The following ATG2B variants were observed in gnomAD, a reference collection of about 807,000 sequenced individuals.
ATG2B encodes autophagy-related protein 2 homolog B.
ATG2B carries 121 observed loss-of-function variants against 241.3 expected under a neutral mutation model. That is an observed-to-expected ratio of 0.50 (90% CI 0.43 to 0.58). ATG2B has a LOEUF of 0.58. Among genes scored for constraint, ATG2B ranks in the 20% least tolerant of loss-of-function variants. The pLI, the probability that ATG2B is intolerant of heterozygous loss-of-function variation, is 0.00. For synonymous variants in ATG2B, 858 were observed against 876.6 expected (o/e 0.98, Z 0.37); for missense variants, 2,306 against 2,491.6 (o/e 0.93, Z 1.59).
Position 96,327,593 on chromosome 14 carries a change from T to C in ATG2B, c.2163+754A>G, listed in dbSNP as rs187555568. ...AAATAGATAAAATTTTATAAAGTCG[T>C]TATAATCACAGCTTATAAAAACTCT... On this transcript the variant is annotated intron_variant, in intron 14 of 41. Coordinates refer to ENST00000359933, the MANE Select transcript of ATG2B (RefSeq NM_018036.7). 3.8e-3 allele frequency among the ~76,000 whole-genome samples: 584 copies of C among 152,284 alleles called. 5 individuals are homozygous for C. Among genetic ancestry groups the C allele is most frequent in the African/African-American group, 0.013 (540 of 41,556 alleles).
chr14:96,281,704 A>C lies in ATG2B; in HGVS notation c.*4051T>G, dbSNP rs1362122073. 1 of 152,220 alleles carries C rather than the reference A, an allele frequency of 6.6e-6. No homozygotes were observed. The highest frequency in any genetic ancestry group is 1.5e-5 in the Non-Finnish European group (1 of 68,028). The allele number at this position is 152,220 out of a possible 1,614,324, so 9.4% of individuals were successfully genotyped here. ...TGCTACCCGGGACATTAGAGATATA[A>C]CTGAGCCAGCTGAGATGACATTTAC... On this transcript the variant is annotated 3_prime_UTR_variant, in exon 42 of 42. Coordinates refer to ENST00000359933, the MANE Select transcript of ATG2B (RefSeq NM_018036.7).
In ATG2B at chr14:96,339,271, AGTGTGTGTGT is replaced by A. The variant is rs34822684; in HGVS notation, c.924+2241_924+2250del. On this transcript the variant is annotated intron_variant, in intron 6 of 41. Coordinates refer to ENST00000359933, the MANE Select transcript of ATG2B (RefSeq NM_018036.7). Reference sequence around the variant, plus strand: ...CTACCATTCGACCCAGCAATTCCACAGTGTGTGTGTGTGTGTGTGTGTGTGTGTGTGTGTA... The same window carrying A: ...CTACCATTCGACCCAGCAATTCCACAGTGTGTGTGTGTGTGTGTGTGTGTA... Among the ~76,000 whole-genome samples, 195 of 147,562 alleles carry A rather than the reference AGTGTGTGTGT, an allele frequency of 1.3e-3. 1 individual carries two copies. Among genetic ancestry groups the A allele is most frequent in the African/African-American group, 3.7e-3 (150 of 40,328 alleles).
At chr14:96,340,095 C>CA (rs1566731463) in intron 6 of ATG2B, among the ~76,000 whole-genome samples, 3 of 78,488 alleles carry the variant, frequency 3.8e-5, no homozygotes, top group East Asian at 8.1e-4. Context: ...TGAATATATG[C>CA]TATATAGAAT....
intron 11 of ATG2B, 55 bp from the exon 12 acceptor site, chr14:96,329,689 C>A: frequency 8.3e-7 from 1 of 1,208,056 alleles, no homozygotes; most frequent in South Asian, 1.4e-5. Context: ...TAACAATTAT[C>A]CACCTAGTCT....
At chr14:96,292,806 T>C (rs1886523488) in intron 36 of ATG2B, among the ~76,000 whole-genome samples, 3 of 152,248 alleles carry the variant, frequency 2.0e-5, no homozygotes, top group African/African-American at 7.2e-5. Flanking sequence ...CCTTGGTTTC[T>C]GAAGTGGATT....
At chr14:96,287,572 T>C (rs1886372392) in intron 41 of ATG2B, among the ~76,000 whole-genome samples, 1 of 152,214 alleles carries the variant, frequency 6.6e-6, no homozygotes, top group African/African-American at 2.4e-5. Context: ...GGAACTAAAA[T>C]GCTGCCTTCC....
intron 1 of ATG2B, among the ~76,000 whole-genome samples, chr14:96,355,356 C>T (rs1411694711): frequency 6.6e-6 from 1 of 152,114 alleles, no homozygotes; most frequent in African/African-American, 2.4e-5. Context: ...CTGCATAGGG[C>T]TAGCCAGTTC....
chr14:96,301,777 G>C (rs908283138), intron 34 of ATG2B, among the ~76,000 whole-genome samples: 3 of 152,116 alleles, frequency 2.0e-5, no homozygotes, highest in Non-Finnish European at 2.9e-5. Context: ...AGGTATTAAG[G>C]TCTACATCAC....
chr14:96,314,197 G>T (rs748412904), intron 23 of ATG2B, among the ~76,000 whole-genome samples: 3 of 152,248 alleles, frequency 2.0e-5, no homozygotes, highest in South Asian at 2.1e-4. Flanking sequence ...CATGAGAAAA[G>T]AATTTTGAAA....
At chr14:96,350,714 C>A (rs989244844) in intron 1 of ATG2B, among the ~76,000 whole-genome samples, 4 of 152,164 alleles carry the variant, frequency 2.6e-5, no homozygotes, top group African/African-American at 9.6e-5. Context: ...GAGACTTGAT[C>A]GGCTCGTTTT....
In ATG2B at chr14:96,345,296, C is replaced by T; in HGVS notation, c.415G>A (p.Glu139Lys). ...AAAGGCTGGGATCCTTCTCCTTGTTCATCTGTTAGTTTCTGGCTAAGACAT... is the reference window on the plus strand; with the variant it reads ...AAAGGCTGGGATCCTTCTCCTTGTTTATCTGTTAGTTTCTGGCTAAGACAT... ...KECLSQKLTD[E>K]QGEGSQPFEG... The change falls in exon 3 of 42, where the codon GAA (glutamate) becomes AAA (lysine). Residue 139 changes from glutamate to lysine, a missense_variant. This residue lies in a region of ATG2B where 1,927 missense variants were observed against 2,011.2 expected (regional missense o/e 0.96). Transcript: ENST00000359933. The T allele has an allele frequency of 1.2e-6, 2 of 1,613,410 alleles. No individual in the cohort carries two copies. The highest frequency in any genetic ancestry group is 1.7e-6 in the Non-Finnish European group (2 of 1,179,606).
At chr14:96,359,567 T>C (rs1190578437) in intron 1 of ATG2B, among the ~76,000 whole-genome samples, 1 of 152,034 alleles carries the variant, frequency 6.6e-6, no homozygotes, top group African/African-American at 2.4e-5. Flanking sequence ...AAATCAAAAA[T>C]AAAGGCACAG....
chr14:96,313,562 T>C (rs1887222755), intron 23 of ATG2B, 127 bp from the exon 24 acceptor site: 1 of 517,326 alleles, frequency 1.9e-6, no homozygotes, highest in Non-Finnish European at 3.4e-6. Context: ...ATCATAACGG[T>C]AAAAGGAAAA....
intron 14 of ATG2B, among the ~76,000 whole-genome samples, chr14:96,327,911 G>C (rs1887625982): frequency 1.3e-5 from 2 of 152,114 alleles, no homozygotes; most frequent in African/African-American, 4.8e-5. Context: ...TCCGCCTCCT[G>C]GGTTCAAGCT....
At position 96,343,280 on chromosome 14, in the gene ATG2B, T is replaced by C. The variant is rs767916667; in HGVS notation, c.583A>G (p.Thr195Ala). Residue 195 changes from threonine (T) to alanine (A), a missense_variant and splice_region_variant, in exon 5 of 42, where the codon ACT becomes GCT. Coordinates refer to ENST00000359933, the MANE Select transcript of ATG2B (RefSeq NM_018036.7). ...GTALEIRIER[T>A]VYCDETADES... Reference sequence around the variant, plus strand: ...TCAGCAGTTTCATCACAGTACACAGTTCTGAAATTTTTTTAAAAAGCATTT... The same window carrying C: ...TCAGCAGTTTCATCACAGTACACAGCTCTGAAATTTTTTTAAAAAGCATTT... 16 of 1,560,070 alleles carry C rather than the reference T, an allele frequency of 1.0e-5. No individual in the cohort carries two copies. Among genetic ancestry groups the C allele is most frequent in the East Asian group, 2.3e-5 (1 of 44,282 alleles).
At chr14:96,313,524 CTCACAGAAAAAA>C (rs1363951102) in intron 23 of ATG2B, 89 bp from the exon 24 acceptor site, 20 of 550,520 alleles carry the variant, frequency 3.6e-5, no homozygotes, top group Non-Finnish European at 6.1e-5. Flanking sequence ...ACCAGAATAT[CTCACAGAAAAAA>C]TCATTTAATT....
Position 96,285,570 on chromosome 14 carries a change from T to C in ATG2B, c.*185A>G, listed in dbSNP as rs1886311561. On this transcript the variant is annotated 3_prime_UTR_variant, in exon 42 of 42. Transcript: ENST00000359933. The surrounding 1 kb of genome is among the most constrained non-coding windows in gnomAD (Gnocchi z 4.2). ...GCCACCAAACATTTCTATAGGCAAG[T>C]ATCAACTATAAATGTCAGAAGTTTT... 6.6e-6 allele frequency: 4 copies of C among 608,480 alleles called. No homozygotes were observed. Among genetic ancestry groups the C allele is most frequent in the Non-Finnish European group, 1.2e-5 (4 of 345,906 alleles). 37.7% of individuals were successfully genotyped at this position (608,480 alleles called of 1,614,324 possible). A position where few individuals can be genotyped will look rare whatever the true frequency, so the allele number is the denominator to read the frequency against.
chr14:96,358,819 A>G (rs892471543), intron 1 of ATG2B, among the ~76,000 whole-genome samples: 2 of 152,052 alleles, frequency 1.3e-5, no homozygotes, highest in Non-Finnish European at 2.9e-5. Flanking sequence ...CTAAAAGTGG[A>G]GACACCTGAA....
At chr14:96,339,412 G>A (rs535363190) in intron 6 of ATG2B, among the ~76,000 whole-genome samples, 1 of 151,430 alleles carries the variant, frequency 6.6e-6, no homozygotes, top group South Asian at 2.1e-4. Context: ...TGTATGTGGT[G>A]CGTGTATATA....
Sources: allele counts gnomAD v4.1 joint callset (sites outside exome capture counted in the v4.1 genomes callset), GRCh38; gene constraint gnomAD v4.1.1; regional missense constraint gnomAD v4.1.1; non-coding constraint Gnocchi (gnomAD v3.1); transcripts MANE v1.5; gene names NCBI Gene and HGNC (gene_info 2026-07-23, HGNC 2026-07-21).